GRM8: variants seen among roughly 807,000 people sequenced by gnomAD.
GRM8 encodes glutamate metabotropic receptor 8.
Under a neutral mutation model 87.2 loss-of-function variants are expected in GRM8, and 47 were observed. The observed-to-expected ratio is 0.54, with a 90% CI of 0.43 to 0.69. GRM8 has a LOEUF of 0.69. Among genes scored for constraint, GRM8 ranks in the 30% least tolerant of loss-of-function variants. The probability of loss-of-function intolerance (pLI) is 0.00; values close to 1 mark genes in which losing one functional copy is unlikely to be tolerated. For synonymous variants in GRM8, 396 were observed against 404.5 expected, an observed-to-expected ratio of 0.98 and a Z score of 0.25; for missense variants, 1,019 against 1,139.2, an observed-to-expected ratio of 0.89 and a Z score of 1.52.
intron 6 of GRM8, among the ~76,000 whole-genome samples, chr7:126,897,115 G>A (rs114028532): frequency 0.012 from 1,831 of 152,232 alleles, 49 homozygotes; most frequent in African/African-American, 0.042. Context: ...AAGGGATGTC[G>A]TTTTGATAAG....
At chr7:126,995,939 G>T (rs907176357) in intron 3 of GRM8, among the ~76,000 whole-genome samples, 2 of 151,776 alleles carry the variant, frequency 1.3e-5, no homozygotes, top group African/African-American at 4.8e-5. Context: ...CAAAGATAAA[G>T]AATCCTAAAA....
At chr7:126,724,706 G>A (rs999859024) in intron 7 of GRM8, among the ~76,000 whole-genome samples, 1 of 151,456 alleles carries the variant, frequency 6.6e-6, no homozygotes, top group African/African-American at 2.4e-5. Flanking sequence ...TTTAAAATAT[G>A]TGCCTGAAAA....
intron 7 of GRM8, among the ~76,000 whole-genome samples, chr7:126,729,208 C>A (rs549097227): frequency 5.0e-4 from 76 of 152,312 alleles, no homozygotes; most frequent in Non-Finnish European, 6.3e-4. Flanking sequence ...ATTGCTGCCC[C>A]ACCCTCTCCT....
chr7:126,719,969 T>C (rs1812192543), intron 7 of GRM8, among the ~76,000 whole-genome samples: 1 of 152,000 alleles, frequency 6.6e-6, no homozygotes, highest in African/African-American at 2.4e-5. Context: ...ATAGTGATAA[T>C]TTTATCAGTG....
chr7:126,519,497 T>C (rs1292916772), intron 9 of GRM8, among the ~76,000 whole-genome samples: 1 of 152,130 alleles, frequency 6.6e-6, no homozygotes, highest in Admixed American at 6.6e-5. Context: ...CAATTTTTAC[T>C]GAGTAACTAA....
At chr7:126,602,680 A>G (rs551138249) in intron 8 of GRM8, among the ~76,000 whole-genome samples, 1 of 150,446 alleles carries the variant, frequency 6.6e-6, no homozygotes, top group South Asian at 2.1e-4. Context: ...TAGGTATTTT[A>G]TTCTCTTTGA....
chr7:127,131,813 T>C (rs752713184), intron 2 of GRM8, among the ~76,000 whole-genome samples: 8 of 152,232 alleles, frequency 5.3e-5, no homozygotes, highest in Non-Finnish European at 1.2e-4. Flanking sequence ...ATTACTCTTA[T>C]AATTTAACAT....
chr7:126,545,814 A>C (rs557109505), intron 8 of GRM8, among the ~76,000 whole-genome samples: 18 of 152,322 alleles, frequency 1.2e-4, no homozygotes, highest in African/African-American at 4.1e-4. Flanking sequence ...AAATTTTCAG[A>C]ATATTTCATT....
rs540932718 is a variant in GRM8 at position 126,576,218 on chromosome 7, T to C, written c.1494+33144A>G. On this transcript the variant is annotated intron_variant, in intron 8 of 10. Coordinates refer to ENST00000339582, the MANE Select transcript of GRM8 (RefSeq NM_000845.3). The stretch of plus-strand genomic sequence containing the variant: ...TCACTCACAAATGGCAAAAGAAGAC[T>C]CAATTCACAGCACAGAGCAAACAAA... Among the ~76,000 whole-genome samples the C allele has an allele frequency of 8.5e-5, 13 of 152,326 alleles. No homozygotes were observed. The South Asian group carries it at 2.1e-3, about 24-fold the overall frequency.
intron 7 of GRM8, among the ~76,000 whole-genome samples, chr7:126,614,994 A>T (rs1799309399): frequency 3.9e-5 from 6 of 152,118 alleles, no homozygotes; most frequent in Admixed American, 3.9e-4. Context: ...GCAAGGCAGG[A>T]CAACATTCAA....
chr7:126,838,919 A>G (rs1796030083), intron 6 of GRM8, among the ~76,000 whole-genome samples: 1 of 152,196 alleles, frequency 6.6e-6, no homozygotes, highest in Non-Finnish European at 1.5e-5. Context: ...CGCTTTGCCC[A>G]TCGGGGAAAG....
intron 7 of GRM8, among the ~76,000 whole-genome samples, chr7:126,653,515 G>A (rs1226557058): frequency 6.6e-6 from 1 of 152,090 alleles, no homozygotes; most frequent in Non-Finnish European, 1.5e-5. Flanking sequence ...GAAATAAGAA[G>A]AAAATTACAT....
intron 2 of GRM8, among the ~76,000 whole-genome samples, chr7:127,159,321 G>A (rs1474073312): frequency 6.6e-6 from 1 of 152,168 alleles, no homozygotes; most frequent in Non-Finnish European, 1.5e-5. Flanking sequence ...AAAATTAATA[G>A]AAAGGAAACA....
intron 9 of GRM8, among the ~76,000 whole-genome samples, chr7:126,447,625 C>CA (rs573070402): frequency 8.6e-5 from 13 of 151,674 alleles, no homozygotes; most frequent in Admixed American, 2.6e-4. Context: ...CAAAACAAAA[C>CA]AAAAAAAACC....
At chr7:126,848,690 G>T (rs1389770008) in intron 6 of GRM8, among the ~76,000 whole-genome samples, 1 of 151,934 alleles carries the variant, frequency 6.6e-6, no homozygotes, top group Non-Finnish European at 1.5e-5. Context: ...GCATGGTGGT[G>T]CATGCCTGTA....
chr7:126,490,370 C>G (rs1295704525), intron 9 of GRM8, among the ~76,000 whole-genome samples: 1 of 151,998 alleles, frequency 6.6e-6, no homozygotes, highest in Non-Finnish European at 1.5e-5. Flanking sequence ...CTGAATAAAG[C>G]CTTCCATCTT....
chr7:126,469,320 A>G (rs908735135), intron 9 of GRM8, among the ~76,000 whole-genome samples: 1 of 152,138 alleles, frequency 6.6e-6, no homozygotes, highest in African/African-American at 2.4e-5. Context: ...CCTTCCTTTC[A>G]TTCTTTTCTG....
chr7:126,784,118 T>A (rs938959244), intron 6 of GRM8, among the ~76,000 whole-genome samples: 1 of 152,168 alleles, frequency 6.6e-6, no homozygotes, highest in Admixed American at 6.6e-5. Flanking sequence ...GTGGGCTGCA[T>A]CAGGACCTGG....
At chr7:127,086,796 T>G (rs1823555243) in intron 3 of GRM8, among the ~76,000 whole-genome samples, 1 of 152,200 alleles carries the variant, frequency 6.6e-6, no homozygotes, top group African/African-American at 2.4e-5. Flanking sequence ...ACATCTCCTG[T>G]TTTAGCATAA....
Sources: allele counts gnomAD v4.1 joint callset (sites outside exome capture counted in the v4.1 genomes callset), GRCh38; gene constraint gnomAD v4.1.1; transcripts MANE v1.5; gene names NCBI Gene and HGNC (gene_info 2026-07-23, HGNC 2026-07-21).